CA10: variants seen among roughly 807,000 people sequenced by gnomAD.
CA10 encodes the protein carbonic anhydrase-related protein 10.
Under a neutral mutation model 44.2 loss-of-function variants are expected in CA10, and 14 were observed. The ratio of observed to expected loss-of-function variants is 0.32; its 90% CI spans 0.21 to 0.50. CA10 has a LOEUF of 0.50. CA10 is among the 20% of genes least tolerant of loss of function. The probability of loss-of-function intolerance (pLI) is 0.99; values close to 1 mark genes in which losing one functional copy is unlikely to be tolerated. For synonymous variants in CA10, 159 were observed against 141.6 expected (o/e 1.12, Z -0.87); for missense variants, 350 against 409.7 (o/e 0.85, Z 1.26).
chr17:51,753,477 A>T (rs1176267854), intron 3 of CA10, among the ~76,000 whole-genome samples: 1 of 152,228 alleles, frequency 6.6e-6, no homozygotes, highest in African/African-American at 2.4e-5. Context: ...TGCATTTTTA[A>T]GGTAGGAAAA....
At chr17:52,112,439 A>G (rs1371877027) in intron 1 of CA10, among the ~76,000 whole-genome samples, 1 of 152,234 alleles carries the variant, frequency 6.6e-6, no homozygotes, top group Non-Finnish European at 1.5e-5. Flanking sequence ...GGATAACAAC[A>G]GTGGAGCTGA....
chr17:52,009,125 T>A (rs569495874), intron 2 of CA10, among the ~76,000 whole-genome samples: 3 of 152,004 alleles, frequency 2.0e-5, no homozygotes, highest in African/African-American at 7.2e-5. Flanking sequence ...CCTTCAAGAG[T>A]CAGCCTCCCT....
intron 2 of CA10, among the ~76,000 whole-genome samples, chr17:52,043,412 G>C (rs1452845166): frequency 6.6e-6 from 1 of 151,422 alleles, no homozygotes; most frequent in Non-Finnish European, 1.5e-5. Context: ...TTTGCACATT[G>C]ATTTTATATA....
chr17:51,961,243 A>T (rs1983882191), intron 2 of CA10, among the ~76,000 whole-genome samples: 1 of 151,476 alleles, frequency 6.6e-6, no homozygotes. Flanking sequence ...TCTTTTGTGG[A>T]AACTGACTGA....
intron 4 of CA10, among the ~76,000 whole-genome samples, chr17:51,681,941 G>T (rs1914861975): frequency 6.6e-6 from 1 of 152,140 alleles, no homozygotes; most frequent in South Asian, 2.1e-4. Flanking sequence ...CTGATCTGTG[G>T]CTGTTTGGGG....
rs183430859 is a variant in CA10, at chr17:51,700,283, G to A, written c.466-46547C>T. 5.0e-3 allele frequency among the ~76,000 whole-genome samples: 763 copies of A among 152,264 alleles called. 10 individuals are homozygous for A. Among genetic ancestry groups the A allele is most frequent in the African/African-American group, 0.017 (723 of 41,538 alleles). ...TGTCCTCAGTGCAGCAGCCAGAGGG[G>A]ATGTTTTAAGTCATACTTCAGATAA... On this transcript the variant is annotated intron_variant, in intron 4 of 8. Coordinates refer to ENST00000451037, the MANE Select transcript of CA10 (RefSeq NM_020178.5).
intron 1 of CA10, among the ~76,000 whole-genome samples, chr17:52,077,117 ACT>A (rs1249882658): frequency 3.3e-5 from 5 of 152,140 alleles, no homozygotes; most frequent in African/African-American, 7.2e-5. Flanking sequence ...TCCAAAGGAA[ACT>A]CTGAATCTCA....
intron 6 of CA10, among the ~76,000 whole-genome samples, chr17:51,643,922 G>A (rs146245985): frequency 3.9e-5 from 6 of 152,186 alleles, no homozygotes; most frequent in East Asian, 3.9e-4. Context: ...CTTACAGATC[G>A]GGGAGGTGTT....
intron 2 of CA10, among the ~76,000 whole-genome samples, chr17:51,944,863 T>C (rs1262632380): frequency 6.6e-6 from 1 of 152,178 alleles, no homozygotes; most frequent in Non-Finnish European, 1.5e-5. Flanking sequence ...GAGAATTATA[T>C]TCTGTTAAAC....
rs370577062 is a variant in CA10, at chr17:51,949,377, T to C, written c.137-18245A>G. The stretch of plus-strand genomic sequence containing the variant: ...GTAAAAACTTTAATTGTGGTCTCAT[T>C]TACACTTCTATTTTCAAACTCATTC... On this transcript the variant is annotated intron_variant, in intron 2 of 8. Coordinates refer to ENST00000451037, the MANE Select transcript of CA10 (RefSeq NM_020178.5). Among the ~76,000 whole-genome samples, 5 of 152,146 alleles carry C rather than the reference T, an allele frequency of 3.3e-5. No individual in the cohort carries two copies. The South Asian group carries it at 6.2e-4, about 19-fold the overall frequency.
chr17:51,873,366 T>C (rs1037253025), intron 3 of CA10, among the ~76,000 whole-genome samples: 4 of 152,138 alleles, frequency 2.6e-5, no homozygotes, highest in African/African-American at 9.7e-5. Context: ...ATTTTTCCTA[T>C]AAAGAATTGG....
chr17:51,855,847 C>T (rs544775461), intron 3 of CA10, among the ~76,000 whole-genome samples: 1 of 152,264 alleles, frequency 6.6e-6, no homozygotes, highest in South Asian at 2.1e-4. Flanking sequence ...CAGAAAGTGG[C>T]CACAAGGTAT....
chr17:51,713,532 C>T (rs1288394973), intron 4 of CA10, among the ~76,000 whole-genome samples: 1 of 152,202 alleles, frequency 6.6e-6, no homozygotes, highest in East Asian at 1.9e-4. Context: ...CCTTAGTTGT[C>T]ACTTAAGCCT....
chr17:51,921,266 AC>A (rs1255396791), intron 3 of CA10, among the ~76,000 whole-genome samples: 1 of 152,066 alleles, frequency 6.6e-6, no homozygotes, highest in East Asian at 1.9e-4. Flanking sequence ...AATTTCAAGT[AC>A]CCCTCAGTGC....
intron 3 of CA10, among the ~76,000 whole-genome samples, chr17:51,886,106 G>T (rs1277759023): frequency 6.6e-6 from 1 of 152,164 alleles, no homozygotes; most frequent in Non-Finnish European, 1.5e-5. Context: ...CTGTCTAATA[G>T]CTAATGCCCA....
At chr17:52,052,896 G>A (rs1896698246) in intron 2 of CA10, among the ~76,000 whole-genome samples, 1 of 151,934 alleles carries the variant, frequency 6.6e-6, no homozygotes, top group African/African-American at 2.4e-5. Flanking sequence ...GGGCCTTCCA[G>A]TAAAGCAATA....
At chr17:52,093,682 T>C (rs1988328380) in intron 1 of CA10, among the ~76,000 whole-genome samples, 1 of 152,162 alleles carries the variant, frequency 6.6e-6, no homozygotes, top group South Asian at 2.1e-4. Context: ...AATAAATGTT[T>C]AATTTATTAA....
intron 4 of CA10, among the ~76,000 whole-genome samples, chr17:51,744,527 T>C (rs2143597143): frequency 6.6e-6 from 1 of 152,130 alleles, no homozygotes; most frequent in South Asian, 2.1e-4. Context: ...AAAGAATTGA[T>C]TGAGCCCAGG....
At chr17:52,053,285 G>A (rs1346668800) in intron 2 of CA10, among the ~76,000 whole-genome samples, 2 of 151,984 alleles carry the variant, frequency 1.3e-5, no homozygotes, top group African/African-American at 4.8e-5. Flanking sequence ...AATCATACCA[G>A]CTTCCAATAC....
Sources: allele counts gnomAD v4.1 joint callset (sites outside exome capture counted in the v4.1 genomes callset), GRCh38; gene constraint gnomAD v4.1.1; transcripts MANE v1.5; gene names NCBI Gene and HGNC (gene_info 2026-07-23, HGNC 2026-07-21).